The following XKR9 variants were observed in gnomAD, a reference collection of about 807,000 sequenced individuals.
XKR9 encodes the protein XK-related protein 9.
XKR9 carries 32 observed loss-of-function variants against 32.0 expected under a neutral mutation model. The ratio of observed to expected loss-of-function variants is 1.00; its 90% confidence interval spans 0.76 to 1.34. The LOEUF (loss-of-function observed/expected upper bound fraction) is 1.34, where lower values mean the gene tolerates loss of function less well. Among genes scored for constraint, XKR9 ranks in the 40% most tolerant of loss-of-function variants. The probability of loss-of-function intolerance (pLI) is 0.00; values close to 1 mark genes in which losing one functional copy is unlikely to be tolerated. For synonymous variants in XKR9, 168 were observed against 143.4 expected (o/e 1.17, Z -1.22); for missense variants, 546 against 429.7 (o/e 1.27, Z -2.39).
At chr8:70,747,129 T>C (rs185456909) in intron 2 of XKR9, among the ~76,000 whole-genome samples, 1 of 152,310 alleles carries the variant, frequency 6.6e-6, no homozygotes, top group Admixed American at 6.5e-5. Context: ...GTGGTGTATA[T>C]TTACCACATT....
chr8:70,917,231 T>C, the XKR9 span, among the ~76,000 whole-genome samples: 1 of 152,204 alleles, frequency 6.6e-6, no homozygotes, highest in East Asian at 1.9e-4. Context: ...GTTCAAATAA[T>C]ACCTTTTCTG....
the XKR9 span, among the ~76,000 whole-genome samples, chr8:70,796,956 CA>C: frequency 6.6e-6 from 1 of 151,738 alleles, no homozygotes. Flanking sequence ...GCCTTGTGAA[CA>C]AAAAAAATTA....
At chr8:71,041,470 CA>C in the XKR9 span, among the ~76,000 whole-genome samples, 2 of 152,080 alleles carry the variant, frequency 1.3e-5, no homozygotes, top group Non-Finnish European at 2.9e-5. Flanking sequence ...TAAGCATATT[CA>C]AAAATTCCTA....
intron 2 of XKR9, among the ~76,000 whole-genome samples, chr8:70,755,458 A>C: frequency 6.6e-6 from 1 of 152,140 alleles, no homozygotes; most frequent in Non-Finnish European, 1.5e-5. Context: ...ACACATGCAC[A>C]CGTATGTTTA....
At chr8:70,956,756 G>A in the XKR9 span, among the ~76,000 whole-genome samples, 1 of 152,206 alleles carries the variant, frequency 6.6e-6, no homozygotes, top group East Asian at 1.9e-4. Flanking sequence ...GGTTATGACA[G>A]CACCCAGGTT....
At chr8:70,956,331 A>C in the XKR9 span, among the ~76,000 whole-genome samples, 1 of 152,154 alleles carries the variant, frequency 6.6e-6, no homozygotes, top group South Asian at 2.1e-4. Context: ...CATCTTGATG[A>C]GTGAGTGTCT....
At chr8:70,978,439 A>G in the XKR9 span, among the ~76,000 whole-genome samples, 8 of 152,168 alleles carry the variant, frequency 5.3e-5, no homozygotes. Context: ...GGTGGTGACA[A>G]AATCTCTCAG....
downstream of XKR9, among the ~76,000 whole-genome samples, chr8:70,791,312 T>TA (rs879762952): frequency 5.5e-3 from 792 of 142,884 alleles, 6 homozygotes; most frequent in South Asian, 0.019. Context: ...TCATCTCACT[T>TA]AAAAAAAAAA....
At position 70,722,687 on chromosome 8, in the gene XKR9, C is replaced by T. The variant is rs749171129; in HGVS notation, c.494-11109C>T. 9.9e-5 allele frequency among the ~76,000 whole-genome samples: 15 copies of T among 152,274 alleles called. No homozygotes were observed. The East Asian group carries it at 2.7e-3, about 27-fold the overall frequency. On this transcript the variant is annotated intron_variant, in intron 4 of 4. Coordinates refer to ENST00000408926, the MANE Select transcript of XKR9 (RefSeq NM_001011720.2). ...TCTGTTGTTAGTCTGATGGGCTTCT[C>T]TTTGTAGATGACCTGGCCTTTCTCT...
chr8:70,775,309 A>C (rs1390792778), intron 2 of XKR9, among the ~76,000 whole-genome samples: 1 of 151,986 alleles, frequency 6.6e-6, no homozygotes, highest in Non-Finnish European at 1.5e-5. Flanking sequence ...TATGATTTTT[A>C]TTTCTTTTCT....
intron 3 of XKR9, among the ~76,000 whole-genome samples, chr8:70,696,842 ATCC>A (rs1327950314): frequency 2.0e-5 from 3 of 150,864 alleles, no homozygotes; most frequent in Non-Finnish European, 4.4e-5. Flanking sequence ...GTTTGTTTGT[ATCC>A]TCTTTTATTT....
At chr8:70,751,551 T>C (rs1026526229) in intron 2 of XKR9, among the ~76,000 whole-genome samples, 3 of 152,192 alleles carry the variant, frequency 2.0e-5, no homozygotes, top group African/African-American at 7.2e-5. Flanking sequence ...ATCAGTGGAC[T>C]AAGTAAGGAA....
At chr8:70,707,616 T>C (rs768624377) in intron 4 of XKR9, among the ~76,000 whole-genome samples, 15 of 151,998 alleles carry the variant, frequency 9.9e-5, no homozygotes, top group Non-Finnish European at 2.1e-4. Flanking sequence ...AGGTTGTTTC[T>C]TATATTTAAC....
chr8:70,739,169 ATATT>A (rs910345529), downstream of XKR9, among the ~76,000 whole-genome samples: 4 of 152,054 alleles, frequency 2.6e-5, no homozygotes, highest in Non-Finnish European at 5.9e-5. Context: ...GGGTGTATAT[ATATT>A]TAGGATAGTG....
the XKR9 span, among the ~76,000 whole-genome samples, chr8:70,836,430 G>T: frequency 6.6e-6 from 1 of 151,988 alleles, no homozygotes; most frequent in Non-Finnish European, 1.5e-5. Context: ...GATATAGGAA[G>T]TTCACTATGT....
chr8:70,871,532 G>A, the XKR9 span, among the ~76,000 whole-genome samples: 2 of 152,190 alleles, frequency 1.3e-5, no homozygotes, highest in African/African-American at 4.8e-5. Flanking sequence ...GATCTTTGAT[G>A]TTACTATTGT....
At chr8:70,815,901 C>T in the XKR9 span, among the ~76,000 whole-genome samples, 1 of 152,058 alleles carries the variant, frequency 6.6e-6, no homozygotes, top group South Asian at 2.1e-4. Flanking sequence ...CATTGATGGG[C>T]ATTTAAGTTG....
At chr8:70,971,684 G>A in the XKR9 span, among the ~76,000 whole-genome samples, 3 of 152,106 alleles carry the variant, frequency 2.0e-5, no homozygotes, top group Non-Finnish European at 4.4e-5. Flanking sequence ...CATGTGGCTT[G>A]CCAATTATCT....
chr8:71,006,249 A>C, the XKR9 span, among the ~76,000 whole-genome samples: 1 of 152,366 alleles, frequency 6.6e-6, no homozygotes, highest in East Asian at 1.9e-4. Context: ...TGTGTTCTGT[A>C]GGCTGGATGT....
Sources: allele counts gnomAD v4.1 joint callset (sites outside exome capture counted in the v4.1 genomes callset), GRCh38; gene constraint gnomAD v4.1.1; transcripts MANE v1.5; gene names NCBI Gene and HGNC (gene_info 2026-07-23, HGNC 2026-07-21).